The following SLC24A2 variants were observed in gnomAD, a reference collection of about 807,000 sequenced individuals.
SLC24A2 encodes solute carrier family 24 member 2.
A neutral mutation model predicts 62.0 loss-of-function variants in SLC24A2; 36 were observed. That is an observed-to-expected ratio of 0.58 (90% CI 0.44 to 0.77). The LOEUF (loss-of-function observed/expected upper bound fraction) is 0.77. Ranked by LOEUF, SLC24A2 falls within the 30% of genes least tolerant of loss-of-function variation. The pLI, the probability that SLC24A2 is intolerant of heterozygous loss-of-function variation, is 0.00. For missense variants in SLC24A2, 846 were observed against 817.9 expected (o/e 1.03, Z -0.42); for synonymous variants, 358 against 294.0 (o/e 1.22, Z -2.23).
the SLC24A2 span, among the ~76,000 whole-genome samples, chr9:20,257,121 G>T: frequency 6.6e-6 from 1 of 152,132 alleles, no homozygotes; most frequent in Non-Finnish European, 1.5e-5. Context: ...TAAATTGGTT[G>T]TGGGTCTTCT....
At chr9:19,797,518 T>C in the SLC24A2 span, among the ~76,000 whole-genome samples, 1 of 152,240 alleles carries the variant, frequency 6.6e-6, no homozygotes, top group East Asian at 1.9e-4. Context: ...AGGTCTTTAC[T>C]GTAGAGTAAT....
the SLC24A2 span, among the ~76,000 whole-genome samples, chr9:20,281,813 T>C: frequency 2.0e-5 from 3 of 152,106 alleles, no homozygotes; most frequent in Admixed American, 2.0e-4. Context: ...AACATACATA[T>C]AGAATAATCT....
intron 4 of SLC24A2, 93 bp from the exon 5 acceptor site, chr9:19,597,372 T>A: frequency 2.2e-6 from 2 of 893,938 alleles, no homozygotes; most frequent in Non-Finnish European, 3.8e-6. Context: ...AGATTCAGAG[T>A]TATACTGTCA....
the SLC24A2 span, among the ~76,000 whole-genome samples, chr9:19,806,554 G>A: frequency 1.3e-5 from 2 of 152,114 alleles, no homozygotes; most frequent in Non-Finnish European, 2.9e-5. Context: ...TTCAGTAAAG[G>A]TATATTTAAC....
the SLC24A2 span, among the ~76,000 whole-genome samples, chr9:20,111,541 C>T: frequency 6.6e-6 from 1 of 152,160 alleles, no homozygotes; most frequent in African/African-American, 2.4e-5. Context: ...AGGGCCCTAA[C>T]TGATACAAAA....
upstream of SLC24A2, among the ~76,000 whole-genome samples, chr9:19,791,615 AG>A (rs1279748968): frequency 6.6e-6 from 1 of 152,226 alleles, no homozygotes; most frequent in Non-Finnish European, 1.5e-5. Context: ...GTAGTAATGG[AG>A]AAAAGCAGGG....
chr9:20,183,140 A>G, the SLC24A2 span, among the ~76,000 whole-genome samples: 1 of 152,168 alleles, frequency 6.6e-6, no homozygotes, highest in Non-Finnish European at 1.5e-5. Flanking sequence ...GACTTGGGAA[A>G]AGGAATTCTA....
chr9:19,543,059 C>T (rs780187742), intron 8 of SLC24A2, among the ~76,000 whole-genome samples: 6 of 152,116 alleles, frequency 3.9e-5, no homozygotes, highest in Admixed American at 2.0e-4. Context: ...GTGAATTCAT[C>T]TGGTTCTGGA....
chr9:19,713,057 C>A (rs1039075039), intron 2 of SLC24A2, among the ~76,000 whole-genome samples: 11 of 152,188 alleles, frequency 7.2e-5, no homozygotes, highest in African/African-American at 2.7e-4. Flanking sequence ...AACCCTACAC[C>A]TCTCTGTCCC....
intron 2 of SLC24A2, among the ~76,000 whole-genome samples, chr9:19,776,871 G>A (rs1822861303): frequency 1.3e-5 from 2 of 152,180 alleles, no homozygotes; most frequent in South Asian, 4.1e-4. Context: ...CTAAAAATCT[G>A]TTAGGTCACT....
the SLC24A2 span, among the ~76,000 whole-genome samples, chr9:20,175,885 G>C: frequency 5.9e-4 from 90 of 152,124 alleles, no homozygotes; most frequent in African/African-American, 2.0e-3. Context: ...GAATTAATTA[G>C]ACTGAAGGTT....
intron 2 of SLC24A2, among the ~76,000 whole-genome samples, chr9:19,710,170 C>G (rs1406988770): frequency 6.6e-6 from 1 of 152,146 alleles, no homozygotes; most frequent in East Asian, 1.9e-4. Context: ...CCCTAGCACT[C>G]TGAAAAAATT....
the SLC24A2 span, among the ~76,000 whole-genome samples, chr9:20,212,356 A>G: frequency 6.6e-6 from 1 of 151,848 alleles, no homozygotes. Flanking sequence ...TGACAGAAAT[A>G]AAATAGGATT....
the SLC24A2 span, among the ~76,000 whole-genome samples, chr9:20,104,034 A>C: frequency 6.6e-6 from 1 of 152,218 alleles, no homozygotes; most frequent in African/African-American, 2.4e-5. Context: ...GCCAAGGCTC[A>C]AGAACTACAT....
At chr9:19,824,192 G>A in the SLC24A2 span, among the ~76,000 whole-genome samples, 1 of 152,144 alleles carries the variant, frequency 6.6e-6, no homozygotes, top group Non-Finnish European at 1.5e-5. Context: ...TTAAACTAAA[G>A]AGCTTCTGCA....
intron 2 of SLC24A2, among the ~76,000 whole-genome samples, chr9:19,753,145 G>T (rs1822035191): frequency 6.6e-6 from 1 of 152,132 alleles, no homozygotes; most frequent in Non-Finnish European, 1.5e-5. Context: ...GGACACAAAA[G>T]GCACCGTTTG....
chr9:20,214,705 C>T, the SLC24A2 span, among the ~76,000 whole-genome samples: 10 of 152,156 alleles, frequency 6.6e-5, no homozygotes, highest in Non-Finnish European at 7.3e-5. Context: ...AAGTTTGTTA[C>T]ATTCTGCTGT....
the SLC24A2 span, among the ~76,000 whole-genome samples, chr9:20,175,981 G>A: frequency 2.0e-5 from 3 of 151,972 alleles, no homozygotes; most frequent in Admixed American, 1.3e-4. Context: ...GAGCTAGGAA[G>A]GATGTGGAGG....
At chr9:19,902,181 T>C in the SLC24A2 span, among the ~76,000 whole-genome samples, 1 of 152,158 alleles carries the variant, frequency 6.6e-6, no homozygotes, top group African/African-American at 2.4e-5. Flanking sequence ...GGAAGGGGTA[T>C]AATGAGACGT....
Sources: gnomAD v4.1 joint callset for allele counts (sites outside exome capture counted in the v4.1 genomes callset) on GRCh38, gnomAD v4.1.1 for gene constraint, MANE v1.5 for transcripts, NCBI Gene and HGNC (gene_info 2026-07-23, HGNC 2026-07-21) for gene names.